CUL1: variants seen among roughly 807,000 people sequenced by gnomAD.
CUL1 encodes the protein cullin 1, also known as cullin-1.
A neutral mutation model predicts 118.0 loss-of-function variants in CUL1; 24 were observed. The observed-to-expected ratio is 0.20, with a 90% CI of 0.15 to 0.29. The LOEUF (loss-of-function observed/expected upper bound fraction) is 0.29, where lower values mean the gene tolerates loss of function less well. Among genes scored for constraint, CUL1 ranks in the 10% least tolerant of loss-of-function variants. CUL1 has a pLI of 1.00. For missense variants in CUL1, 361 were observed against 933.8 expected, an observed-to-expected ratio of 0.39 and a Z score of 7.99; for synonymous variants, 332 against 340.4, an observed-to-expected ratio of 0.98 and a Z score of 0.27.
At chr7:148,726,985 C>G (rs1798607442) in intron 1 of CUL1, among the ~76,000 whole-genome samples, 1 of 152,102 alleles carries the variant, frequency 6.6e-6, no homozygotes, top group Non-Finnish European at 1.5e-5. Context: ...GCACTCCAGC[C>G]TGGGCAACAG....
chr7:148,711,417 G>A (rs1021894924), intron 1 of CUL1, among the ~76,000 whole-genome samples: 8 of 152,184 alleles, frequency 5.3e-5, no homozygotes, highest in Non-Finnish European at 8.8e-5. Context: ...CAGGGACCAC[G>A]GGGGACATGT....
intron 1 of CUL1, among the ~76,000 whole-genome samples, chr7:148,706,284 G>T (rs1328967347): frequency 6.6e-6 from 1 of 152,136 alleles, no homozygotes; most frequent in Admixed American, 6.5e-5. Context: ...TCAGTGCTTG[G>T]TATGAGCCAA....
intron 2 of CUL1, among the ~76,000 whole-genome samples, chr7:148,734,087 C>A (rs926502467): frequency 1.3e-5 from 2 of 151,930 alleles, no homozygotes; most frequent in African/African-American, 4.8e-5. Context: ...GAAAGATCCA[C>A]TTTAGTTAAC....
intron 3 of CUL1, among the ~76,000 whole-genome samples, chr7:148,754,595 A>G (rs1799597301): frequency 6.6e-6 from 1 of 152,176 alleles, no homozygotes; most frequent in East Asian, 1.9e-4. Flanking sequence ...TTTAAAGCAA[A>G]TATGTATTCA....
chr7:148,719,091 C>G (rs2129459249), intron 1 of CUL1, among the ~76,000 whole-genome samples: 1 of 152,262 alleles, frequency 6.6e-6, no homozygotes, highest in Middle Eastern at 3.4e-3. Context: ...GCGGGCGGAT[C>G]ACGAGTTCAG....
At chr7:148,770,910 A>G (rs1337111811) in intron 9 of CUL1, among the ~76,000 whole-genome samples, 4 of 152,256 alleles carry the variant, frequency 2.6e-5, no homozygotes, top group Non-Finnish European at 4.4e-5. Flanking sequence ...AAATCAGGAG[A>G]AAAAAAGGTT....
intron 17 of CUL1, 48 bp from the exon 18 acceptor site, chr7:148,797,764 G>T: frequency 2.1e-6 from 3 of 1,457,304 alleles, no homozygotes; most frequent in Non-Finnish European, 2.9e-6. Context: ...TTATTGCAAA[G>T]AAAAATGCAT....
intron 2 of CUL1, among the ~76,000 whole-genome samples, chr7:148,738,424 T>C (rs1799032371): frequency 6.6e-6 from 1 of 152,136 alleles, no homozygotes; most frequent in Non-Finnish European, 1.5e-5. Flanking sequence ...CAGACAACGT[T>C]TCTAGGATGA....
Position 148,771,314 on chromosome 7 carries a change from T to C in CUL1, c.1083+3565T>C, listed in dbSNP as rs562090335. On this transcript the variant is annotated intron_variant, in intron 9 of 21. Coordinates refer to ENST00000325222, the MANE Select transcript of CUL1 (RefSeq NM_003592.3). ...TCGTAGAGGTTTCCAGTTTATCATG[T>C]AAGTCAAATATTTTTTGTGTTCGAA... 5.9e-5 allele frequency among the ~76,000 whole-genome samples: 9 copies of C among 152,368 alleles called. No homozygotes were observed. In the South Asian group the frequency reaches 1.9e-3, roughly 32 times the overall value.
intron 2 of CUL1, among the ~76,000 whole-genome samples, chr7:148,738,000 G>C (rs1277248805): frequency 6.6e-6 from 1 of 152,138 alleles, no homozygotes; most frequent in Non-Finnish European, 1.5e-5. Flanking sequence ...GTCGCATTTG[G>C]GAAACAAGTG....
chr7:148,758,831 A>G (rs868323498), intron 4 of CUL1, among the ~76,000 whole-genome samples: 1 of 152,162 alleles, frequency 6.6e-6, no homozygotes, highest in African/African-American at 2.4e-5. Context: ...ACTGACAAAA[A>G]TGTGTACACC....
chr7:148,759,166 T>G (rs1261176220), intron 4 of CUL1, 138 bp from the exon 5 acceptor site: 1 of 739,134 alleles, frequency 1.4e-6, no homozygotes, highest in African/African-American at 1.8e-5. Context: ...TTTCTGCTTT[T>G]GTCCTGATAG....
At chr7:148,714,766 G>A (rs755166992) in intron 1 of CUL1, among the ~76,000 whole-genome samples, 7 of 152,192 alleles carry the variant, frequency 4.6e-5, no homozygotes, top group East Asian at 1.9e-4. Flanking sequence ...GAACATGGTC[G>A]TCTTTATACC....
chr7:148,741,374 A>T (rs1374456613), intron 2 of CUL1, among the ~76,000 whole-genome samples: 4 of 152,234 alleles, frequency 2.6e-5, no homozygotes, highest in African/African-American at 9.6e-5. Context: ...CCAGCAGTGT[A>T]TGAGGGTTCC....
At chr7:148,790,526 A>G (rs562655359) in intron 16 of CUL1, 85 bp downstream of exon 16, 57 of 1,184,856 alleles carry the variant, frequency 4.8e-5, no homozygotes, top group South Asian at 3.9e-4. Context: ...CTGACTCAGC[A>G]GCAGAATCTA....
intron 3 of CUL1, among the ~76,000 whole-genome samples, chr7:148,755,323 A>T (rs550584854): frequency 2.0e-5 from 3 of 152,148 alleles, no homozygotes; most frequent in Non-Finnish European, 4.4e-5. Flanking sequence ...AGACGTCTAT[A>T]CTGTGACCCC....
chr7:148,783,763 T>C lies in CUL1; in HGVS notation c.1084-20T>C. 6.2e-7 allele frequency: 1 copy of C among 1,612,388 alleles called. No homozygotes were observed. The highest frequency in any genetic ancestry group is 8.5e-7 in the Non-Finnish European group (1 of 1,178,452). On this transcript the variant is annotated intron_variant, in intron 9 of 21. Coordinates refer to ENST00000325222, the MANE Select transcript of CUL1 (RefSeq NM_003592.3). ...ATCCCCAATAACCAACTTTTGTTTC[T>C]ATTTCTGCCCCCATTTAAGGACCCC... is the stretch of plus-strand genomic sequence containing the variant.
chr7:148,711,572 T>C (rs893522944), intron 1 of CUL1, among the ~76,000 whole-genome samples: 4 of 152,198 alleles, frequency 2.6e-5, no homozygotes, highest in Non-Finnish European at 5.9e-5. Flanking sequence ...GTTTCTCCTT[T>C]TGAACCAGTT....
chr7:148,760,218 C>T (rs1247445065), intron 6 of CUL1, 115 bp from the exon 7 acceptor site: 3 of 762,382 alleles, frequency 3.9e-6, no homozygotes, highest in East Asian at 5.6e-5. Flanking sequence ...TATGTCCTGC[C>T]ATTTCACATT....
Sources: gnomAD v4.1 joint callset for allele counts (sites outside exome capture counted in the v4.1 genomes callset) on GRCh38, gnomAD v4.1.1 for gene constraint, MANE v1.5 for transcripts, NCBI Gene and HGNC (gene_info 2026-07-23, HGNC 2026-07-21) for gene names.